Variants in TAOK1 observed in about 807,000 individuals in gnomAD.
The protein encoded by TAOK1 is serine/threonine-protein kinase TAO1.
A neutral mutation model predicts 138.3 loss-of-function variants in TAOK1; 21 were observed. The ratio of observed to expected loss-of-function variants is 0.15; its 90% CI spans 0.11 to 0.22. The LOEUF is 0.22. Ranked by LOEUF, TAOK1 falls within the 10% of genes least tolerant of loss-of-function variation. TAOK1 has a pLI of 1.00. For missense variants in TAOK1, 651 were observed against 1,227.7 expected (o/e 0.53, Z 7.02); for synonymous variants, 361 against 398.4 (o/e 0.91, Z 1.12).
chr17:29,411,086 C>CTCT (rs1567710753), intron 1 of TAOK1, among the ~76,000 whole-genome samples: 1 of 127,808 alleles, frequency 7.8e-6, no homozygotes. Context: ...TTTCTTTTTA[C>CTCT]TGTTTTTTTT....
intron 1 of TAOK1, among the ~76,000 whole-genome samples, chr17:29,403,574 A>AGAT (rs993419879): frequency 2.0e-5 from 3 of 152,166 alleles, no homozygotes; most frequent in Non-Finnish European, 4.4e-5. Flanking sequence ...CATAAATGGT[A>AGAT]GATGATGATG....
intron 7 of TAOK1, among the ~76,000 whole-genome samples, chr17:29,481,954 T>C (rs10468576): frequency 0.38 from 57,503 of 151,920 alleles, 12,090 homozygotes; most frequent in Non-Finnish European, 0.48. Flanking sequence ...AGCGAGACTC[T>C]GTCTCAAAAA....
At chr17:29,400,056 C>A (rs1173266613) in intron 1 of TAOK1, among the ~76,000 whole-genome samples, 1 of 152,080 alleles carries the variant, frequency 6.6e-6, no homozygotes, top group Non-Finnish European at 1.5e-5. Context: ...TAATTTATCA[C>A]AGGTTTTCTT....
At chr17:29,473,126 G>C (rs2030865579) in intron 3 of TAOK1, among the ~76,000 whole-genome samples, 1 of 152,154 alleles carries the variant, frequency 6.6e-6, no homozygotes. Flanking sequence ...CTGTCATCCA[G>C]GCTTTGTTGT....
intron 12 of TAOK1, 25 bp from the exon 13 acceptor site, chr17:29,502,564 T>C (rs756820809): frequency 1.3e-6 from 2 of 1,594,210 alleles, no homozygotes; most frequent in Non-Finnish European, 1.7e-6. Flanking sequence ...CCTTACATAA[T>C]ATTGTCTTTT....
chr17:29,395,356 C>A (rs937680160), intron 1 of TAOK1, among the ~76,000 whole-genome samples: 1 of 151,974 alleles, frequency 6.6e-6, no homozygotes, highest in Non-Finnish European at 1.5e-5. Flanking sequence ...CAAAGAGAGA[C>A]CCTGTCTCTA....
At chr17:29,537,406 G>A (rs770674832) in intron 19 of TAOK1, among the ~76,000 whole-genome samples, 6 of 151,738 alleles carry the variant, frequency 4.0e-5, no homozygotes, top group Non-Finnish European at 7.4e-5. Flanking sequence ...CTAGAGTCCA[G>A]TGGTACAATC....
intron 1 of TAOK1, among the ~76,000 whole-genome samples, chr17:29,422,054 C>T (rs1355093285): frequency 2.6e-5 from 4 of 151,912 alleles, no homozygotes; most frequent in Non-Finnish European, 4.4e-5. Flanking sequence ...CCTGCTACCA[C>T]GCCCAGCTAA....
chr17:29,455,316 G>A (rs1331819807), intron 2 of TAOK1, among the ~76,000 whole-genome samples: 1 of 150,468 alleles, frequency 6.6e-6, no homozygotes, highest in Non-Finnish European at 1.5e-5. Context: ...GCTGTTTTTT[G>A]TATCTTCATC....
chr17:29,510,358 CAG>C (rs1363299641), intron 14 of TAOK1, among the ~76,000 whole-genome samples: 1 of 152,218 alleles, frequency 6.6e-6, no homozygotes, highest in Non-Finnish European at 1.5e-5. Flanking sequence ...GCCAGGGTAA[CAG>C]AGCAAGACTC....
chr17:29,497,451 T>C (rs1286657928), intron 11 of TAOK1, among the ~76,000 whole-genome samples: 1 of 152,128 alleles, frequency 6.6e-6, no homozygotes, highest in Non-Finnish European at 1.5e-5. Flanking sequence ...AGGCTGGGGA[T>C]GTAAGAAAAG....
At chr17:29,464,221 G>C (rs950414192) in intron 2 of TAOK1, among the ~76,000 whole-genome samples, 1 of 151,810 alleles carries the variant, frequency 6.6e-6, no homozygotes, top group Non-Finnish European at 1.5e-5. Flanking sequence ...GGATCATGAG[G>C]TCAGGAGATC....
chr17:29,458,110 G>GA (rs59723374), intron 2 of TAOK1, among the ~76,000 whole-genome samples: 92,499 of 148,476 alleles, frequency 0.62, 29,706 homozygotes, highest in East Asian at 0.97. Flanking sequence ...ACTCCATCTT[G>GA]AAAAAAAAAA....
At chr17:29,465,676 G>T (rs1427272158) in intron 2 of TAOK1, among the ~76,000 whole-genome samples, 1 of 151,992 alleles carries the variant, frequency 6.6e-6, no homozygotes, top group East Asian at 1.9e-4. Context: ...TTGAAAACGA[G>T]TTCTTGCACA....
chr17:29,496,537 C>T lies in TAOK1; in HGVS notation c.999+810C>T, dbSNP rs550306457. On this transcript the variant is annotated intron_variant, in intron 11 of 19. Coordinates refer to ENST00000261716, the MANE Select transcript of TAOK1 (RefSeq NM_020791.4). Reference sequence around the variant, plus strand: ...AGTCATGAGAAAGTTAGTAGGCATTCGACTGTGTCACCAAAGAAACTTGAT... The same window carrying T: ...AGTCATGAGAAAGTTAGTAGGCATTTGACTGTGTCACCAAAGAAACTTGAT... Among the ~76,000 whole-genome samples, 32 of 140,716 alleles carry T rather than the reference C, an allele frequency of 2.3e-4. No individual in the cohort carries two copies. The East Asian group carries it at 2.6e-3, about 11-fold the overall frequency. 92.3% of individuals were successfully genotyped at this position (140,716 alleles called of 152,430 possible). A position where few individuals can be genotyped will look rare whatever the true frequency, so the allele number is the denominator to read the frequency against.
chr17:29,412,192 G>A (rs532327538), intron 1 of TAOK1, among the ~76,000 whole-genome samples: 3 of 152,104 alleles, frequency 2.0e-5, no homozygotes, highest in South Asian at 4.2e-4. Context: ...ACAGGCATGC[G>A]CCACCATGCC....
At chr17:29,392,211 G>C (rs1037447370) in intron 1 of TAOK1, among the ~76,000 whole-genome samples, 16 of 151,512 alleles carry the variant, frequency 1.1e-4, no homozygotes, top group African/African-American at 3.9e-4. Context: ...GCGAGACTCC[G>C]TTTCAAAAAA....
chr17:29,540,815 C>T (rs1204264903), intron 19 of TAOK1, among the ~76,000 whole-genome samples: 3 of 152,118 alleles, frequency 2.0e-5, no homozygotes, highest in African/African-American at 2.4e-5. Flanking sequence ...AGTGATCTGC[C>T]TGCCTCAGCC....
rs34030976 is a variant in TAOK1, at chr17:29,468,553, C to CTTT, written c.204+1347_204+1349dup. On this transcript the variant is annotated intron_variant, in intron 3 of 19. Transcript: ENST00000261716. ...GACAGTAAATTATACTGGATATGAT[C>CTTT]TTTTTTTTTTTTGAGACAGAGCATC... Among the ~76,000 whole-genome samples the CTTT allele has an allele frequency of 3.4e-5, 5 of 145,964 alleles. No individual in the cohort carries two copies. The East Asian group carries it at 6.1e-4, about 18-fold the overall frequency.
Sources: allele counts gnomAD v4.1 joint callset (sites outside exome capture counted in the v4.1 genomes callset), GRCh38; gene constraint gnomAD v4.1.1; transcripts MANE v1.5; gene names NCBI Gene and HGNC (gene_info 2026-07-23, HGNC 2026-07-21).